TMEM63A: variants seen among roughly 807,000 people sequenced by gnomAD.
The protein encoded by TMEM63A is mechanosensitive cation channel TMEM63A.
TMEM63A carries 76 observed loss-of-function variants against 100.6 expected under a neutral mutation model. The ratio of observed to expected loss-of-function variants is 0.76; its 90% CI spans 0.63 to 0.91. The LOEUF (loss-of-function observed/expected upper bound fraction) is 0.91, where lower values mean the gene tolerates loss of function less well. Ranked by LOEUF, TMEM63A falls within the 40% of genes least tolerant of loss-of-function variation. TMEM63A has a pLI of 0.00. For missense variants in TMEM63A, 876 were observed against 1,008.8 expected (o/e 0.87, Z 1.78); for synonymous variants, 401 against 401.1 (o/e 1.00, Z 0.00).
rs1452903456 is a variant in TMEM63A at position 225,865,809 on chromosome 1, C to T, written c.746+88G>A. 12 of 1,354,808 alleles carry T rather than the reference C, an allele frequency of 8.9e-6. No homozygotes were observed. Among genetic ancestry groups the T allele is most frequent in the African/African-American group, 2.9e-5 (2 of 69,050 alleles). The allele number at this position is 1,354,808 out of a possible 1,614,324, so 83.9% of individuals were successfully genotyped here. A position where few individuals can be genotyped will look rare whatever the true frequency, so the allele number is the denominator to read the frequency against. On this transcript the variant is annotated intron_variant, in intron 10 of 24. Transcript: ENST00000366835. The surrounding 1 kb of genome is among the most constrained non-coding windows in gnomAD (Gnocchi z 4.6). Reference sequence around the variant, plus strand: ...GGATACCCAAGCGAGAGACAGAAGGCGCTCACCTAAGGTGCTCGCCCTGCG... The same window carrying T: ...GGATACCCAAGCGAGAGACAGAAGGTGCTCACCTAAGGTGCTCGCCCTGCG...
In TMEM63A at chr1:225,855,056, T is replaced by C. The variant is rs573478587; in HGVS notation, c.1634+822A>G. 8.0e-4 allele frequency among the ~76,000 whole-genome samples: 122 copies of C among 152,332 alleles called. 2 individuals are homozygous for C. The South Asian group carries it at 0.025, about 31-fold the overall frequency. ...CTATTGCTGGCTGTATGTATGTGTGTCTGTCACAGTCATCAGCTCCCAACT... is the reference window on the plus strand; with the variant it reads ...CTATTGCTGGCTGTATGTATGTGTGCCTGTCACAGTCATCAGCTCCCAACT... On this transcript the variant is annotated intron_variant, in intron 18 of 24. Transcript: ENST00000366835.
Position 225,857,030 on chromosome 1 carries a change from T to A in TMEM63A, c.1378-13A>T. ...TGATGATCGGGTTCTAGGAGAAAGGTCCACAGCAGAGAGAGTCACAGGGGC... is the reference window on the plus strand; with the variant it reads ...TGATGATCGGGTTCTAGGAGAAAGGACCACAGCAGAGAGAGTCACAGGGGC... On this transcript the variant is annotated splice_polypyrimidine_tract_variant and intron_variant, in intron 15 of 24. Coordinates refer to ENST00000366835, the MANE Select transcript of TMEM63A (RefSeq NM_014698.3). 1 of 1,565,960 alleles carries A rather than the reference T, an allele frequency of 6.4e-7. No homozygotes were observed. Among genetic ancestry groups the A allele is most frequent in the South Asian group, 1.2e-5 (1 of 82,882 alleles).
Position 225,853,372 on chromosome 1 carries a change from T to C in TMEM63A, c.1797+257A>G, listed in dbSNP as rs779346306. On this transcript the variant is annotated intron_variant, in intron 19 of 24. Transcript: ENST00000366835. The surrounding 1 kb of genome is among the most constrained non-coding windows in gnomAD (Gnocchi z 4.0). Reference sequence around the variant, plus strand: ...TCTGTTGGTTTGAGTTGTATGTATGTATGTGTGCGATCAAACCGTTTCAAA... The same window carrying C: ...TCTGTTGGTTTGAGTTGTATGTATGCATGTGTGCGATCAAACCGTTTCAAA... 6.6e-6 allele frequency among the ~76,000 whole-genome samples: 1 copy of C among 152,216 alleles called. No homozygotes were observed. Among genetic ancestry groups the C allele is most frequent in the Non-Finnish European group, 1.5e-5 (1 of 68,040 alleles).
In TMEM63A at chr1:225,865,922, T is replaced by A; in HGVS notation, c.721A>T (p.Lys241Ter). The change falls in exon 10 of 25, where the codon AAG becomes TAG. Residue 241 changes from lysine (K) to a stop codon, truncating the protein, a stop_gained. Transcript: ENST00000366835. LOFTEE classifies it high-confidence loss of function. The surrounding 1 kb of genome is among the most constrained non-coding windows in gnomAD (Gnocchi z 4.6). ...CGGAAGTGGCTCTCCACAGTCTCCT[T>A]CCTGGCATCTCTGGGGAGTCCTGTG... ...FITGLPRDAR[K>*]ETVESHFRDA... is the part of the protein sequence containing the mutation. 1 of 1,613,956 alleles carries A rather than the reference T, an allele frequency of 6.2e-7. No individual in the cohort carries two copies. The highest frequency in any genetic ancestry group is 1.1e-5 in the South Asian group (1 of 91,072).
chr1:225,856,062 C>T (rs1257526753), intron 17 of TMEM63A, 122 bp from the exon 18 acceptor site: 11 of 965,466 alleles, frequency 1.1e-5, no homozygotes, highest in Non-Finnish European at 1.7e-5. Context: ...TTGTTCTCAA[C>T]GATGCCACTT....
intron 16 of TMEM63A, 57 bp from the exon 17 acceptor site, chr1:225,856,795 G>T: frequency 6.3e-7 from 1 of 1,591,570 alleles, no homozygotes; most frequent in South Asian, 1.1e-5. Flanking sequence ...TGTGCCCCCA[G>T]TGAGGCCCCT....
At chr1:225,872,113 C>G (rs1166729222) in intron 4 of TMEM63A, 60 bp from the exon 5 acceptor site, 2 of 1,300,400 alleles carry the variant, frequency 1.5e-6, no homozygotes, top group African/African-American at 1.5e-5. Flanking sequence ...AAAAGCCAAA[C>G]AAGTCAAAAA....
chr1:225,846,880 C>T lies in TMEM63A; in HGVS notation c.*59G>A. 1.1e-6 allele frequency: 1 copy of T among 907,070 alleles called. No homozygotes were observed. Among genetic ancestry groups the T allele is most frequent in the Non-Finnish European group, 1.6e-6 (1 of 629,416 alleles). 56.2% of individuals were successfully genotyped at this position (907,070 alleles called of 1,614,324 possible). Reference sequence around the variant, plus strand: ...CAGTCCCAACGCATTCCCACTCAGCCAAGGGCCTGAGCCCCAGGCCATTCT... The same window carrying T: ...CAGTCCCAACGCATTCCCACTCAGCTAAGGGCCTGAGCCCCAGGCCATTCT... On this transcript the variant is annotated 3_prime_UTR_variant, in exon 25 of 25. Coordinates refer to ENST00000366835, the MANE Select transcript of TMEM63A (RefSeq NM_014698.3).
At chr1:225,856,874 T>C in intron 16 of TMEM63A, 37 bp downstream of exon 16, 2 of 1,601,646 alleles carry the variant, frequency 1.2e-6, no homozygotes, top group East Asian at 2.2e-5. Flanking sequence ...GAGATATCCT[T>C]CTTAGGGGCA....
At chr1:225,851,692 A>G (rs1427957398) in intron 20 of TMEM63A, among the ~76,000 whole-genome samples, 1 of 152,200 alleles carries the variant, frequency 6.6e-6, no homozygotes, top group Non-Finnish European at 1.5e-5. Context: ...TAAAAAATAA[A>G]TTTTGTTTTG....
chr1:225,878,884 C>CCACACACA (rs1559054316), intron 2 of TMEM63A, among the ~76,000 whole-genome samples: 12 of 51,624 alleles, frequency 2.3e-4, no homozygotes, highest in African/African-American at 8.8e-4. Flanking sequence ...ACCTACCTAC[C>CCACACACA]TACACACACA....
chr1:225,845,116 T>C (rs972131099), downstream of TMEM63A: 8 of 1,611,726 alleles, frequency 5.0e-6, no homozygotes, highest in Admixed American at 1.7e-5. Flanking sequence ...GGCCACAGCC[T>C]CACCCCTCCG....
chr1:225,863,187 G>T, intron 10 of TMEM63A: 1 of 282,428 alleles, frequency 3.5e-6, no homozygotes, highest in Non-Finnish European at 6.9e-6. Context: ...CTGAGTAGCT[G>T]GGGCTACAGG....
chr1:225,840,672 G>T (rs896918365), downstream of TMEM63A, among the ~76,000 whole-genome samples: 4 of 152,118 alleles, frequency 2.6e-5, no homozygotes, highest in East Asian at 7.7e-4. Flanking sequence ...AGAGTCATTC[G>T]CATTACCCTC....
At chr1:225,859,556 A>G (rs56325807) in intron 14 of TMEM63A, 37,236 of 621,550 alleles carry the variant, frequency 0.06, 1,588 homozygotes, top group East Asian at 0.15. Context: ...TCCCCAGCTA[A>G]AGTCTGGGGG....
intron 13 of TMEM63A, chr1:225,861,399 T>C: frequency 6.5e-6 from 1 of 154,468 alleles, no homozygotes; most frequent in Non-Finnish European, 1.4e-5. Context: ...CGTTACACAT[T>C]GCCTGTTCCC....
Position 225,853,865 on chromosome 1 carries a change from C to A in TMEM63A, c.1635-74G>T. On this transcript the variant is annotated intron_variant, in intron 18 of 24. Transcript: ENST00000366835. The surrounding 1 kb of genome is among the most constrained non-coding windows in gnomAD (Gnocchi z 4.0). ...GGAGAGGAGGGGCCCCTAGGCTGGG[C>A]AGGAGCAGAAAGCCCCTGGGAGGGC... 2 of 1,443,876 alleles carry A rather than the reference C, an allele frequency of 1.4e-6. No individual in the cohort carries two copies. Among genetic ancestry groups the A allele is most frequent in the African/African-American group, 1.4e-5 (1 of 69,946 alleles). 89.4% of individuals were successfully genotyped at this position (1,443,876 alleles called of 1,614,324 possible).
chr1:225,860,928 G>C lies in TMEM63A; in HGVS notation c.1155C>G (p.Ser385=), dbSNP rs1424889067. ...TGGAGGTATAGAGCTCCCTGCTATGGGAGGACGGCTGGGGCTCACCTTTGC... is the reference window on the plus strand; with the variant it reads ...TGGAGGTATAGAGCTCCCTGCTATGCGAGGACGGCTGGGGCTCACCTTTGC... ...LQCKGEPQPS[S]HSRELYTSKW... The change falls in exon 14 of 25, where the codon TCC becomes TCG. Residue 385 remains serine, a synonymous_variant. Transcript: ENST00000366835. 1 of 1,612,986 alleles carries C rather than the reference G, an allele frequency of 6.2e-7. No individual in the cohort carries two copies. Among genetic ancestry groups the C allele is most frequent in the Admixed American group, 1.7e-5 (1 of 59,862 alleles).
intron 6 of TMEM63A, among the ~76,000 whole-genome samples, chr1:225,869,651 T>C (rs1487420929): frequency 1.2e-5 from 1 of 85,024 alleles, no homozygotes; most frequent in Non-Finnish European, 2.2e-5. Flanking sequence ...ATCATTTTCA[T>C]ATTTCTTTTC....
Sources: gnomAD v4.1 joint callset for allele counts (sites outside exome capture counted in the v4.1 genomes callset) on GRCh38, gnomAD v4.1.1 for gene constraint, Gnocchi (gnomAD v3.1) non-coding constraint, MANE v1.5 for transcripts, NCBI Gene and HGNC (gene_info 2026-07-23, HGNC 2026-07-21) for gene names.